NAV1: variants seen among roughly 807,000 people sequenced by gnomAD.
NAV1 encodes neuron navigator 1, also known as pore membrane and/or filament interacting like protein 3.
A neutral mutation model predicts 175.2 loss-of-function variants in NAV1; 18 were observed. The observed-to-expected ratio is 0.10, with a 90% CI of 0.07 to 0.15. The LOEUF (loss-of-function observed/expected upper bound fraction) is 0.15. Ranked by LOEUF, NAV1 falls within the 10% of genes least tolerant of loss-of-function variation. The pLI is 1.00. For synonymous variants in NAV1, 897 were observed against 978.7 expected (o/e 0.92, Z 1.56); for missense variants, 1,731 against 2,436.6 (o/e 0.71, Z 6.10).
exon 1 of NAV1, chr1:201,649,376 G>C (rs1669097571): frequency 1.2e-6 from 2 of 1,603,252 alleles, no homozygotes; most frequent in African/African-American, 1.3e-5. Flanking sequence ...CCGAGCTGGT[G>C]GTGACCGTGC....
intron 29 of NAV1, 121 bp from the exon 34 acceptor site, chr1:201,819,716 T>C (rs754333810): frequency 1.0e-5 from 8 of 772,124 alleles, no homozygotes; most frequent in African/African-American, 1.7e-5. Flanking sequence ...AACTCCTGGC[T>C]TCAAGCTATC....
chr1:201,718,588 C>G lies in NAV1; in HGVS notation c.1059C>G (p.His353Gln), dbSNP rs763114376. Residue 353 changes from histidine to glutamine, a missense_variant, in exon 3 of 30, where the codon CAC becomes CAG. Transcript: ENST00000367296. The surrounding 1 kb of genome is among the most constrained non-coding windows in gnomAD (Gnocchi z 4.8). ...GGTACATGCACGGCGAACGGGCCCA[C>G]TACTCCCACACCATGCCCATGCGCA... 1 of 1,614,182 alleles carries G rather than the reference C, an allele frequency of 6.2e-7. No homozygotes were observed. Among genetic ancestry groups the G allele is most frequent in the East Asian group, 2.2e-5 (1 of 44,880 alleles).
chr1:201,648,608 C>T (rs969184567), exon 1 of NAV1: 1 of 1,286,622 alleles, frequency 7.8e-7, no homozygotes, highest in African/African-American at 1.5e-5. Context: ...GCTCCCGCCC[C>T]CTGCCCCCTC....
At chr1:201,753,744 C>T (rs1674281386) in intron 3 of NAV1, among the ~76,000 whole-genome samples, 1 of 152,160 alleles carries the variant, frequency 6.6e-6, no homozygotes, top group African/African-American at 2.4e-5. Context: ...TTAAGCTGTG[C>T]TAGGCAAACT....
intron 2 of NAV1, 45 bp downstream of exon 6, chr1:201,712,964 C>T (rs767037788): frequency 6.9e-7 from 1 of 1,457,236 alleles, no homozygotes; most frequent in Non-Finnish European, 9.6e-7. Context: ...GCCTTCCTGG[C>T]TCTCCACCCC....
chr1:201,793,928 T>C lies in NAV1; in HGVS notation c.3405+53T>C, dbSNP rs1419652594. On this transcript the variant is annotated intron_variant, in intron 14 of 29. Coordinates refer to ENST00000367296, the Ensembl canonical transcript of NAV1. The stretch of plus-strand genomic sequence containing the variant: ...GGTGGGTGCGGCGAGGGGGTTCTCC[T>C]GGACAGAGAGGCCGAAGCTGACCAT... 2.1e-5 allele frequency: 31 copies of C among 1,476,980 alleles called. No homozygotes were observed. The East Asian group carries it at 6.4e-4, about 31-fold the overall frequency. 91.5% of individuals were successfully genotyped at this position (1,476,980 alleles called of 1,614,324 possible).
chr1:201,788,605 C>T lies in NAV1; in HGVS notation c.3133C>T (p.Arg1045Trp), dbSNP rs778974626. The T allele has an allele frequency of 1.7e-5, 28 of 1,613,800 alleles. No individual in the cohort carries two copies. Among genetic ancestry groups the T allele is most frequent in the Admixed American group, 1.2e-4 (7 of 59,998 alleles). The change falls in exon 10 of 30, where the codon CGG (arginine) becomes TGG (tryptophan). Residue 1045 changes from arginine to tryptophan, a missense_variant. Physicochemically the swap from Arg to Trp is moderately radical, Grantham distance 101 (BLOSUM62 -3). This residue lies in a region of NAV1 where 85 missense variants were observed against 168.7 expected (regional missense o/e 0.50). Transcript: ENST00000367296. The surrounding 1 kb of genome is among the most constrained non-coding windows in gnomAD (Gnocchi z 5.7). ...GGCCGAGAGACCCAAGGGAATGATT[C>T]GGTCAGGATCCTTCCGAGACCCCAC...
At chr1:201,768,445 C>G (rs1675351081) in intron 3 of NAV1, among the ~76,000 whole-genome samples, 1 of 151,746 alleles carries the variant, frequency 6.6e-6, no homozygotes, top group Non-Finnish European at 1.5e-5. Flanking sequence ...TGGAACCAGC[C>G]TGGGCAACAT....
At chr1:201,593,810 C>T (rs687653) in intron 2 of NAV1, among the ~76,000 whole-genome samples, 57,502 of 152,064 alleles carry the variant, frequency 0.38, 12,423 homozygotes, top group African/African-American at 0.58. Flanking sequence ...AGCCACTCCC[C>T]ACTTTCAGTA....
chr1:201,825,854 G>A (rs1406905910), exon 30 of NAV1: 1 of 152,250 alleles, frequency 6.6e-6, no homozygotes, highest in Non-Finnish European at 1.5e-5. Flanking sequence ...TAGATACGGA[G>A]TTTTGCCTTG....
At chr1:201,553,587 G>A (rs1665927256) in intron 1 of NAV1, among the ~76,000 whole-genome samples, 1 of 152,180 alleles carries the variant, frequency 6.6e-6, no homozygotes, top group Non-Finnish European at 1.5e-5. Flanking sequence ...TTTGACAAAT[G>A]AATACGCCCA....
chr1:201,729,266 T>C (rs1203438974), intron 3 of NAV1, among the ~76,000 whole-genome samples: 3 of 152,248 alleles, frequency 2.0e-5, no homozygotes, highest in Non-Finnish European at 4.4e-5. Context: ...TCTGAGTCTT[T>C]GGAAAAGCTG....
intron 3 of NAV1, among the ~76,000 whole-genome samples, chr1:201,771,235 T>G (rs1675558701): frequency 3.0e-5 from 2 of 65,848 alleles, no homozygotes; most frequent in Non-Finnish European, 3.2e-5. Context: ...CGAGACTCCG[T>G]CTCAAAAAAA....
chr1:201,634,192 C>T (rs1668551925), intron 2 of NAV1, among the ~76,000 whole-genome samples: 1 of 152,210 alleles, frequency 6.6e-6, no homozygotes, highest in African/African-American at 2.4e-5. Flanking sequence ...GTGCTTTCCT[C>T]ATAGGGTTTT....
intron 1 of NAV1, among the ~76,000 whole-genome samples, chr1:201,663,288 A>G (rs1341151582): frequency 6.6e-6 from 1 of 152,244 alleles, no homozygotes; most frequent in Non-Finnish European, 1.5e-5. Flanking sequence ...AAGAAATAAT[A>G]TGGAAAAAGT....
intron 1 of NAV1, among the ~76,000 whole-genome samples, chr1:201,704,606 T>C (rs1047406438): frequency 5.9e-5 from 9 of 152,234 alleles, no homozygotes; most frequent in Non-Finnish European, 1.3e-4. Flanking sequence ...AGTCAAGCCC[T>C]GGTTTTGTAA....
intron 1 of NAV1, among the ~76,000 whole-genome samples, chr1:201,702,676 CTCTCTCTCTCTCTCTCTCTCTCT>C (rs1671479412): frequency 2.4e-5 from 3 of 125,670 alleles, no homozygotes; most frequent in African/African-American, 9.8e-5. Flanking sequence ...TGTGAATTCT[CTCTCTCTCTCTCTCTCTCTCTCT>C]CTCTCTCTCT....
intron 1 of NAV1, among the ~76,000 whole-genome samples, chr1:201,667,405 G>A (rs956575572): frequency 4.6e-5 from 7 of 152,140 alleles, no homozygotes; most frequent in African/African-American, 1.4e-4. Flanking sequence ...GAGTGGGTGG[G>A]ACCATGTCAG....
At chr1:201,697,591 C>T (rs1671245031) in intron 1 of NAV1, among the ~76,000 whole-genome samples, 1 of 152,210 alleles carries the variant, frequency 6.6e-6, no homozygotes, top group African/African-American at 2.4e-5. Flanking sequence ...TCAGTCTCCT[C>T]ATCTGTGAAA....
Sources: gnomAD v4.1 joint callset for allele counts (sites outside exome capture counted in the v4.1 genomes callset) on GRCh38, gnomAD v4.1.1 for gene constraint, gnomAD v4.1.1 regional missense constraint, Gnocchi (gnomAD v3.1) non-coding constraint, MANE v1.5 for transcripts, NCBI Gene and HGNC (gene_info 2026-07-23, HGNC 2026-07-21) for gene names.